The following UBL3 variants were observed in gnomAD, a reference collection of about 807,000 sequenced individuals.
UBL3 encodes the protein ubiquitin-like protein 3.
UBL3 carries 6 observed loss-of-function variants against 18.4 expected under a neutral mutation model. That is an observed-to-expected ratio of 0.33 (90% CI 0.18 to 0.64). The LOEUF (loss-of-function observed/expected upper bound fraction) is 0.64, where lower values mean the gene tolerates loss of function less well. Among genes scored for constraint, UBL3 ranks in the 30% least tolerant of loss-of-function variants. UBL3 has a pLI of 0.76. For missense variants in UBL3, 109 were observed against 142.9 expected, an observed-to-expected ratio of 0.76 and a Z score of 1.21; for synonymous variants, 49 against 46.6, an observed-to-expected ratio of 1.05 and a Z score of -0.21.
chr13:29,839,637 TA>T (rs953897138), intron 1 of UBL3, among the ~76,000 whole-genome samples: 53 of 151,944 alleles, frequency 3.5e-4, no homozygotes, highest in African/African-American at 1.1e-3. Context: ...AAAAAGATTT[TA>T]AAAAATAGGC....
chr13:29,841,748 C>T (rs278036), intron 1 of UBL3, among the ~76,000 whole-genome samples: 136,595 of 152,114 alleles, frequency 0.9, 61,512 homozygotes, highest in East Asian at 0.98. Flanking sequence ...CAGACCCAAA[C>T]TCCTATTCTA....
chr13:29,837,967 A>T (rs1489679817), intron 1 of UBL3, among the ~76,000 whole-genome samples: 1 of 141,998 alleles, frequency 7.0e-6, no homozygotes. Flanking sequence ...CCCAAATGAC[A>T]AAAGATAGTA....
chr13:29,842,030 C>T (rs959746187), intron 1 of UBL3, among the ~76,000 whole-genome samples: 2 of 152,052 alleles, frequency 1.3e-5, no homozygotes, highest in African/African-American at 4.8e-5. Flanking sequence ...GCTGAAAGAC[C>T]CAATTACTAA....
At chr13:29,846,249 G>T (rs1291754568) in intron 1 of UBL3, among the ~76,000 whole-genome samples, 3 of 152,002 alleles carry the variant, frequency 2.0e-5, no homozygotes, top group African/African-American at 7.2e-5. Flanking sequence ...TCACAAATAA[G>T]TTACTACACT....
chr13:29,815,052 T>G (rs1878232939), intron 1 of UBL3, among the ~76,000 whole-genome samples: 1 of 152,178 alleles, frequency 6.6e-6, no homozygotes, highest in African/African-American at 2.4e-5. Flanking sequence ...TATTTAAGAT[T>G]ATTATTACTG....
At chr13:29,835,155 TATATATATA>T (rs1878922471) in intron 1 of UBL3, among the ~76,000 whole-genome samples, 2 of 46,852 alleles carry the variant, frequency 4.3e-5, no homozygotes, top group South Asian at 1.2e-3. Flanking sequence ...TATATATATA[TATATATATA>T]TATATATATA....
intron 1 of UBL3, among the ~76,000 whole-genome samples, chr13:29,798,067 C>T (rs1877662494): frequency 6.6e-6 from 1 of 151,776 alleles, no homozygotes; most frequent in Admixed American, 6.6e-5. Context: ...TCTGTTGTGC[C>T]CAGGCTAGAG....
intron 1 of UBL3, among the ~76,000 whole-genome samples, chr13:29,848,283 A>G (rs1274441913): frequency 4.5e-5 from 1 of 22,220 alleles, no homozygotes; most frequent in East Asian, 9.7e-4. Context: ...GTCTCCACAA[A>G]AAAAAAAAAA....
intron 1 of UBL3, among the ~76,000 whole-genome samples, chr13:29,820,269 C>G (rs1878396963): frequency 6.6e-6 from 1 of 150,742 alleles, no homozygotes; most frequent in Non-Finnish European, 1.5e-5. Flanking sequence ...CTCTGCCTCC[C>G]AGGTTCAAGC....
chr13:29,833,741 T>C (rs1452794942), intron 1 of UBL3, among the ~76,000 whole-genome samples: 1 of 152,226 alleles, frequency 6.6e-6, no homozygotes, highest in Non-Finnish European at 1.5e-5. Context: ...CCATCTAATA[T>C]ACAATATATT....
Position 29,849,500 on chromosome 13 carries a change from T to A in UBL3, c.27+12A>T. 1 of 1,614,078 alleles carries A rather than the reference T, an allele frequency of 6.2e-7. No homozygotes were observed. ...ACAATTAAATCAGTGTCATAACTTA[T>A]CCGTCACTTACCATATCCGCCGGGA... On this transcript the variant is annotated intron_variant, in intron 1 of 4. Coordinates refer to ENST00000380680, the MANE Select transcript of UBL3 (RefSeq NM_007106.4).
At chr13:29,772,342 A>G in intron 2 of UBL3, 144 bp from the exon 3 acceptor site, 2 of 506,264 alleles carry the variant, frequency 4.0e-6, no homozygotes, top group Non-Finnish European at 6.6e-6. Context: ...AACAGTCACT[A>G]TTCATACATT....
intron 3 of UBL3, among the ~76,000 whole-genome samples, chr13:29,768,931 G>A (rs1471005739): frequency 4.6e-5 from 7 of 151,936 alleles, no homozygotes; most frequent in Non-Finnish European, 5.9e-5. Context: ...TCTCATACCC[G>A]TCTTCTTGAC....
At chr13:29,811,697 A>G (rs1256285575) in intron 1 of UBL3, among the ~76,000 whole-genome samples, 1 of 152,128 alleles carries the variant, frequency 6.6e-6, no homozygotes, top group African/African-American at 2.4e-5. Flanking sequence ...GGCTACCTCC[A>G]ATAATGAAAA....
At chr13:29,813,712 G>A (rs913267017) in intron 1 of UBL3, among the ~76,000 whole-genome samples, 30 of 152,086 alleles carry the variant, frequency 2.0e-4, no homozygotes, top group African/African-American at 7.0e-4. Flanking sequence ...CGGACTTGAA[G>A]CATCTGTGGA....
intron 1 of UBL3, among the ~76,000 whole-genome samples, chr13:29,790,880 T>C (rs1410110): frequency 0.62 from 93,660 of 151,872 alleles, 29,085 homozygotes; most frequent in Non-Finnish European, 0.66. Flanking sequence ...GGTTCCCTCA[T>C]CAGTCTCTCT....
rs1472300334 is a variant in UBL3, at chr13:29,850,088, C to G, written c.-550G>C. ...GGACCCTGCAGAGCCGCTGTCGGAG[C>G]GCCCGCGCGGACAGCGCGGGGAAAC... On this transcript the variant is annotated 5_prime_UTR_variant, in exon 1 of 5. Transcript: ENST00000380680. 1 of 152,344 alleles carries G rather than the reference C, an allele frequency of 6.6e-6. No homozygotes were observed. Among genetic ancestry groups the G allele is most frequent in the African/African-American group, 2.4e-5 (1 of 41,460 alleles). 9.4% of individuals were successfully genotyped at this position (152,344 alleles called of 1,614,324 possible). A position where few individuals can be genotyped will look rare whatever the true frequency, so the allele number is the denominator to read the frequency against.
Position 29,782,600 on chromosome 13 carries a change from A to G in UBL3, c.28-5337T>C, listed in dbSNP as rs116916874. On this transcript the variant is annotated intron_variant, in intron 1 of 4. Transcript: ENST00000380680. ...TCCCCCTGGCCTGCTTCAGACACTC[A>G]GGAAACTGCCTAGTTCCAGAAAACA... is the stretch of plus-strand genomic sequence containing the variant. 1.0e-3 allele frequency among the ~76,000 whole-genome samples: 156 copies of G among 152,312 alleles called. No individual in the cohort carries two copies. The East Asian group carries it at 0.029, about 28-fold the overall frequency.
chr13:29,795,936 T>C (rs1055553347), intron 1 of UBL3, among the ~76,000 whole-genome samples: 32 of 146,296 alleles, frequency 2.2e-4, no homozygotes, highest in Non-Finnish European at 3.3e-4. Context: ...TGATCTCTCT[T>C]TTTTTTTTTT....
Sources: allele counts gnomAD v4.1 joint callset (sites outside exome capture counted in the v4.1 genomes callset), GRCh38; gene constraint gnomAD v4.1.1; transcripts MANE v1.5; gene names NCBI Gene and HGNC (gene_info 2026-07-23, HGNC 2026-07-21).